The following ASAP2 variants were observed in gnomAD, a reference collection of about 807,000 sequenced individuals.
The protein encoded by ASAP2 is ArfGAP with SH3 domain, ankyrin repeat and PH domain 2, also known as arf-GAP with SH3 domain, ANK repeat and PH domain-containing protein 2.
In ASAP2, 45 loss-of-function variants were observed where a neutral mutation model predicts 131.4. The ratio of observed to expected loss-of-function variants is 0.34; its 90% CI spans 0.27 to 0.44. The LOEUF is 0.44. ASAP2 is among the 20% of genes least tolerant of loss of function. The probability of loss-of-function intolerance (pLI) is 1.00; values close to 1 mark genes in which losing one functional copy is unlikely to be tolerated. For missense variants in ASAP2, 1,011 were observed against 1,297.0 expected (o/e 0.78, Z 3.39); for synonymous variants, 510 against 503.0 (o/e 1.01, Z -0.19).
chr2:9,240,247 T>C (rs1178530523), intron 1 of ASAP2, among the ~76,000 whole-genome samples: 1 of 80,778 alleles, frequency 1.2e-5, no homozygotes, highest in Non-Finnish European at 2.6e-5. Context: ...CTCCCATAAT[T>C]TTTTTTTTTT....
rs2147909730 is a variant in ASAP2, at chr2:9,207,377, G to A, written c.126+147G>A. 8.3e-7 allele frequency: 1 copy of A among 1,203,776 alleles called. No individual in the cohort carries two copies. Among genetic ancestry groups the A allele is most frequent in the Non-Finnish European group, 1.1e-6 (1 of 908,376 alleles). The allele number at this position is 1,203,776 out of a possible 1,614,324, so 74.6% of individuals were successfully genotyped here. A position where few individuals can be genotyped will look rare whatever the true frequency, so the allele number is the denominator to read the frequency against. ...ACCCTGCCCGAGACAGAAGCCCTTT[G>A]TTCCCGCCTAGGTGGCTCGGAGGAG... On this transcript the variant is annotated intron_variant, in intron 1 of 27. Coordinates refer to ENST00000281419, the MANE Select transcript of ASAP2 (RefSeq NM_003887.3). This position sits in a 1 kb window ranked among gnomAD's most constrained non-coding sequence, Gnocchi z 4.1.
chr2:9,384,420 A>G (rs1319892502), intron 20 of ASAP2, among the ~76,000 whole-genome samples: 10 of 152,174 alleles, frequency 6.6e-5, no homozygotes, highest in South Asian at 4.1e-4. Context: ...CTCCAGTTCA[A>G]TTAGACACTA....
chr2:9,255,878 C>T (rs1051008850), intron 1 of ASAP2, among the ~76,000 whole-genome samples: 1 of 152,138 alleles, frequency 6.6e-6, no homozygotes, highest in South Asian at 2.1e-4. Context: ...GGCTGGGGGG[C>T]ACAAGATCGT....
chr2:9,294,532 G>A (rs992861751), intron 2 of ASAP2, among the ~76,000 whole-genome samples: 2 of 152,196 alleles, frequency 1.3e-5, no homozygotes, highest in African/African-American at 4.8e-5. Flanking sequence ...ATGGTCTGGG[G>A]CAGGTGACAT....
rs910648153 is a variant in ASAP2, at chr2:9,222,150, G to A, written c.126+14920G>A. On this transcript the variant is annotated intron_variant, in intron 1 of 27. Transcript: ENST00000281419. Reference sequence around the variant, plus strand: ...ATCATCTTTAAATTCCCAATGATTTGCACAGAATAGGTGCTCAGTAACTTT... The same window carrying A: ...ATCATCTTTAAATTCCCAATGATTTACACAGAATAGGTGCTCAGTAACTTT... Among the ~76,000 whole-genome samples, 3 of 152,124 alleles carry A rather than the reference G, an allele frequency of 2.0e-5. No individual in the cohort carries two copies. In the South Asian group the frequency reaches 6.2e-4, roughly 31 times the overall value.
At chr2:9,210,488 A>G (rs1012753486) in intron 1 of ASAP2, among the ~76,000 whole-genome samples, 5 of 152,002 alleles carry the variant, frequency 3.3e-5, no homozygotes, top group Admixed American at 2.6e-4. Flanking sequence ...CATGGGGGGA[A>G]GTGTCAGGGA....
At chr2:9,365,945 C>A (rs1238399577) in intron 15 of ASAP2, among the ~76,000 whole-genome samples, 1 of 152,126 alleles carries the variant, frequency 6.6e-6, no homozygotes, top group Non-Finnish European at 1.5e-5. Context: ...TCCTCTCCTC[C>A]ATCCAGTCTG....
intron 7 of ASAP2, among the ~76,000 whole-genome samples, chr2:9,329,944 C>T (rs960789286): frequency 3.9e-5 from 6 of 152,172 alleles, no homozygotes; most frequent in African/African-American, 1.4e-4. Context: ...GCCACCACAC[C>T]GTCTGCTTGT....
At chr2:9,320,401 C>T (rs1042458367) in intron 5 of ASAP2, 64 bp downstream of exon 5, 37 of 1,221,928 alleles carry the variant, frequency 3.0e-5, no homozygotes, top group East Asian at 1.2e-4. Context: ...AAACCAACCT[C>T]GTATTGCTTA....
chr2:9,231,388 C>T (rs73153629), intron 1 of ASAP2, among the ~76,000 whole-genome samples: 7,200 of 152,242 alleles, frequency 0.047, 452 homozygotes, highest in African/African-American at 0.13. Flanking sequence ...AACTTTAAGA[C>T]CCAGTTTTAG....
At chr2:9,214,452 C>T (rs565765873) in intron 1 of ASAP2, among the ~76,000 whole-genome samples, 75 of 152,262 alleles carry the variant, frequency 4.9e-4, no homozygotes, top group Non-Finnish European at 9.4e-4. Flanking sequence ...GTTGGCCAGG[C>T]TGGTCTTGAA....
rs529511161 is a variant in ASAP2, at chr2:9,229,359, C to T, written c.126+22129C>T. The stretch of plus-strand genomic sequence containing the variant: ...TGAGCCTCAGCCCCACCTCTGTTGT[C>T]TTCACCCTTTGACCTCACTTGAGCC... On this transcript the variant is annotated intron_variant, in intron 1 of 27. Coordinates refer to ENST00000281419, the MANE Select transcript of ASAP2 (RefSeq NM_003887.3). 3.3e-5 allele frequency among the ~76,000 whole-genome samples: 5 copies of T among 152,146 alleles called. 1 individual carries two copies. The South Asian group carries it at 1.0e-3, about 32-fold the overall frequency.
chr2:9,375,515 C>T (rs1674336188), intron 17 of ASAP2, among the ~76,000 whole-genome samples: 1 of 152,198 alleles, frequency 6.6e-6, no homozygotes, highest in Non-Finnish European at 1.5e-5. Context: ...GCTAACATAT[C>T]CATTACCTCA....
intron 1 of ASAP2, among the ~76,000 whole-genome samples, chr2:9,264,199 AATAAT>A (rs1558278237): frequency 1.6e-4 from 12 of 75,012 alleles, no homozygotes; most frequent in African/African-American, 7.5e-4. Context: ...TCAAAAAAAT[AATAAT>A]AATAATAATA....
intron 7 of ASAP2, among the ~76,000 whole-genome samples, chr2:9,330,577 C>T (rs959420516): frequency 6.6e-6 from 1 of 152,154 alleles, no homozygotes; most frequent in Non-Finnish European, 1.5e-5. Context: ...AAAGAGAGCT[C>T]ATCTCTACTT....
Position 9,342,274 on chromosome 2 carries a change from C to G in ASAP2, c.850-2258C>G, listed in dbSNP as rs1671639454. The stretch of plus-strand genomic sequence containing the variant: ...CCTGATTTCTGAACTTACCACAAAG[C>G]TGTAATAATCAAGACAGTGTGGTAC... On this transcript the variant is annotated intron_variant, in intron 9 of 27. Coordinates refer to ENST00000281419, the MANE Select transcript of ASAP2 (RefSeq NM_003887.3). Among the ~76,000 whole-genome samples the G allele has an allele frequency of 1.3e-5, 2 of 152,178 alleles. 1 individual carries two copies. The highest frequency in any genetic ancestry group is 4.1e-4 in the South Asian group (2 of 4,826).
At chr2:9,219,244 C>G (rs1423904616) in intron 1 of ASAP2, among the ~76,000 whole-genome samples, 1 of 152,174 alleles carries the variant, frequency 6.6e-6, no homozygotes, top group African/African-American at 2.4e-5. Flanking sequence ...GTGTTCTCAT[C>G]ATTGGAAGAT....
intron 7 of ASAP2, among the ~76,000 whole-genome samples, chr2:9,328,130 G>A (rs1278855084): frequency 6.6e-6 from 1 of 152,176 alleles, no homozygotes; most frequent in African/African-American, 2.4e-5. Flanking sequence ...CATTTATTTG[G>A]AAGGTCAGGA....
In ASAP2 at chr2:9,220,326, A is replaced by T. The variant is rs147224955; in HGVS notation, c.126+13096A>T. On this transcript the variant is annotated intron_variant, in intron 1 of 27. Coordinates refer to ENST00000281419, the MANE Select transcript of ASAP2 (RefSeq NM_003887.3). ...AACTGTTTGCCAAAGAGGCTGCACC[A>T]CTTGACATTCTTACCAGCCATGTGT... Among the ~76,000 whole-genome samples, 207 of 152,362 alleles carry T rather than the reference A, an allele frequency of 1.4e-3. 1 individual carries two copies. Among genetic ancestry groups the T allele is most frequent in the Middle Eastern group, 3.4e-3 (1 of 294 alleles).
Sources: allele counts gnomAD v4.1 joint callset (sites outside exome capture counted in the v4.1 genomes callset), GRCh38; gene constraint gnomAD v4.1.1; non-coding constraint Gnocchi (gnomAD v3.1); transcripts MANE v1.5; gene names NCBI Gene and HGNC (gene_info 2026-07-23, HGNC 2026-07-21).